CDK6: variants seen among roughly 807,000 people sequenced by gnomAD.
CDK6 encodes the protein cyclin-dependent kinase 6.
CDK6 carries 6 observed loss-of-function variants against 37.1 expected under a neutral mutation model. That is an observed-to-expected ratio of 0.16 (90% CI 0.09 to 0.32). The LOEUF is 0.32. Among genes scored for constraint, CDK6 ranks in the 10% least tolerant of loss-of-function variants. The pLI, the probability that CDK6 is intolerant of heterozygous loss-of-function variation, is 1.00. For synonymous variants in CDK6, 160 were observed against 161.3 expected (o/e 0.99, Z 0.06); for missense variants, 224 against 418.9 (o/e 0.53, Z 4.06).
chr7:92,781,817 T>TA (rs1026197176), intron 2 of CDK6, among the ~76,000 whole-genome samples: 11 of 152,208 alleles, frequency 7.2e-5, no homozygotes, highest in African/African-American at 2.7e-4. Flanking sequence ...GAAGAATTTT[T>TA]AAAAATATCT....
rs1217126034 is a variant in CDK6 at position 92,725,656 on chromosome 7, G to A, written c.507C>T (p.Ile169=). 6.2e-7 allele frequency: 1 copy of A among 1,614,084 alleles called. No homozygotes were observed. The highest frequency in any genetic ancestry group is 1.3e-5 in the African/African-American group (1 of 75,064). Residue 169 remains isoleucine (I), a synonymous_variant, in exon 4 of 8, where the codon ATC becomes ATT. Coordinates refer to ENST00000424848, the MANE Select transcript of CDK6 (RefSeq NM_001145306.2). ...IKLADFGLAR[I]YSFQMALTSV... The stretch of plus-strand genomic sequence containing the variant: ...AGGTTAGAGCCATCTGGAAACTATA[G>A]ATGCGGGCAAGGCCGAAGTCAGCGA...
intron 2 of CDK6, among the ~76,000 whole-genome samples, chr7:92,791,530 A>G (rs969171992): frequency 1.3e-5 from 2 of 152,172 alleles, no homozygotes; most frequent in African/African-American, 2.4e-5. Flanking sequence ...GCCCTGAGGT[A>G]GAATATAGGA....
chr7:92,611,040 G>T lies in CDK6; in HGVS notation c.*4100C>A. ...ATCCCACAGTTACCAGATGACCTTAGTATAAATTTTTACAATATATTTGTT... is the reference window on the plus strand; with the variant it reads ...ATCCCACAGTTACCAGATGACCTTATTATAAATTTTTACAATATATTTGTT... On this transcript the variant is annotated 3_prime_UTR_variant, in exon 8 of 8. Coordinates refer to ENST00000424848, the MANE Select transcript of CDK6 (RefSeq NM_001145306.2). 4.4e-6 allele frequency: 1 copy of T among 225,676 alleles called. No individual in the cohort carries two copies. Among genetic ancestry groups the T allele is most frequent in the Non-Finnish European group, 8.8e-6 (1 of 113,482 alleles). 14.0% of individuals were successfully genotyped at this position (225,676 alleles called of 1,614,324 possible). A position where few individuals can be genotyped will look rare whatever the true frequency, so the allele number is the denominator to read the frequency against.
intron 3 of CDK6, among the ~76,000 whole-genome samples, chr7:92,755,640 T>G (rs1033526054): frequency 6.6e-6 from 1 of 152,184 alleles, no homozygotes; most frequent in Non-Finnish European, 1.5e-5. Flanking sequence ...AATATGCTAG[T>G]TTATTTTCCT....
chr7:92,614,995 T>G lies in CDK6; in HGVS notation c.*145A>C. The G allele has an allele frequency of 1.4e-6, 1 of 710,350 alleles. No homozygotes were observed. The allele number at this position is 710,350 out of a possible 1,614,324, so 44.0% of individuals were successfully genotyped here. On this transcript the variant is annotated 3_prime_UTR_variant, in exon 8 of 8. Coordinates refer to ENST00000424848, the MANE Select transcript of CDK6 (RefSeq NM_001145306.2). ...AAAACAGTAAACTAGGCGGTTTCCT[T>G]GGAGAAGCAGAGCCTGTCCAGAAGA...
intron 3 of CDK6, among the ~76,000 whole-genome samples, chr7:92,744,008 C>T (rs1041968399): frequency 2.0e-5 from 3 of 152,106 alleles, no homozygotes; most frequent in African/African-American, 7.2e-5. Flanking sequence ...CTTTATTCTA[C>T]ATCTCTTATT....
rs554615064 is a variant in CDK6, at chr7:92,609,431, CT to C, written c.*5708del. The stretch of plus-strand genomic sequence containing the variant: ...AGTTGTTATGCTCATATACTTCAGA[CT>C]TTTTTTTTTTAATTAGAGCTTCTTA... On this transcript the variant is annotated 3_prime_UTR_variant, in exon 8 of 8. Transcript: ENST00000424848. The C allele has an allele frequency of 0.05, 9,609 of 192,340 alleles. 65 individuals are homozygous for C. Among genetic ancestry groups the C allele is most frequent in the Middle Eastern group, 0.087 (49 of 562 alleles). The allele number at this position is 192,340 out of a possible 1,614,324, so 11.9% of individuals were successfully genotyped here. A position where few individuals can be genotyped will look rare whatever the true frequency, so the allele number is the denominator to read the frequency against.
intron 4 of CDK6, among the ~76,000 whole-genome samples, chr7:92,715,797 T>C (rs1401197174): frequency 1.3e-5 from 2 of 152,178 alleles, no homozygotes; most frequent in African/African-American, 4.8e-5. Context: ...AGGACCCAAA[T>C]GGACTAGATA....
chr7:92,710,273 CT>C (rs1798060766), intron 4 of CDK6, among the ~76,000 whole-genome samples: 1 of 152,160 alleles, frequency 6.6e-6, no homozygotes, highest in African/African-American at 2.4e-5. Flanking sequence ...TTGAAAAGAG[CT>C]TTTGGAAAAG....
At chr7:92,668,399 A>G (rs1229283319) in intron 5 of CDK6, among the ~76,000 whole-genome samples, 1 of 152,178 alleles carries the variant, frequency 6.6e-6, no homozygotes, top group Non-Finnish European at 1.5e-5. Flanking sequence ...ATGAGGCTAA[A>G]TAAAAAAGTA....
intron 5 of CDK6, among the ~76,000 whole-genome samples, chr7:92,633,769 T>C (rs1423663969): frequency 6.6e-6 from 1 of 152,126 alleles, no homozygotes; most frequent in Non-Finnish European, 1.5e-5. Flanking sequence ...AAAGAATATG[T>C]GAATGGAAAA....
At chr7:92,623,167 C>A in intron 5 of CDK6, 81 bp from the exon 6 acceptor site, 2 of 965,792 alleles carry the variant, frequency 2.1e-6, no homozygotes, top group Non-Finnish European at 3.2e-6. Context: ...CATTGTTTCA[C>A]AGGAAGCAAA....
rs1443600954 is a variant in CDK6, at chr7:92,833,365, G to T, written c.-42C>A. 4 of 1,432,970 alleles carry T rather than the reference G, an allele frequency of 2.8e-6. No homozygotes were observed. The highest frequency in any genetic ancestry group is 1.4e-5 in the African/African-American group (1 of 69,210). 88.8% of individuals were successfully genotyped at this position (1,432,970 alleles called of 1,614,324 possible). A position where few individuals can be genotyped will look rare whatever the true frequency, so the allele number is the denominator to read the frequency against. On this transcript the variant is annotated 5_prime_UTR_variant, in exon 2 of 8. Transcript: ENST00000424848. This position sits in a 1 kb window ranked among gnomAD's most constrained non-coding sequence, Gnocchi z 6.1. ...CCGCCGCGGCGCCGCTGGGGCGGGCGGGGGGTGCGCTCAACTAGCTGGCGG... is the reference window on the plus strand; with the variant it reads ...CCGCCGCGGCGCCGCTGGGGCGGGCTGGGGGTGCGCTCAACTAGCTGGCGG...
rs1442887489 is a variant in CDK6, at chr7:92,798,771, T to TAC, written c.234-23941_234-23940insGT. ...AGCTCTTCCTTCTCCTGCCCTCTCT[T>TAC]CCTAACTCCAGACACTTCCTCAGCC... is the stretch of plus-strand genomic sequence containing the variant. On this transcript the variant is annotated intron_variant, in intron 2 of 7. Transcript: ENST00000424848. 2.6e-5 allele frequency among the ~76,000 whole-genome samples: 4 copies of TAC among 152,220 alleles called. No homozygotes were observed. In the East Asian group the frequency reaches 7.7e-4, roughly 29 times the overall value.
At chr7:92,785,506 A>C (rs1800107160) in intron 2 of CDK6, among the ~76,000 whole-genome samples, 1 of 152,182 alleles carries the variant, frequency 6.6e-6, no homozygotes, top group Non-Finnish European at 1.5e-5. Flanking sequence ...TACTGACCTG[A>C]AGTCTTACAC....
intron 2 of CDK6, among the ~76,000 whole-genome samples, chr7:92,796,420 T>C (rs1184982683): frequency 2.0e-5 from 3 of 152,246 alleles, no homozygotes; most frequent in Non-Finnish European, 4.4e-5. Flanking sequence ...GTCTTTTAAA[T>C]CATTCTCATA....
chr7:92,647,475 G>A (rs1170083560), intron 5 of CDK6, among the ~76,000 whole-genome samples: 6 of 152,178 alleles, frequency 3.9e-5, no homozygotes, highest in Non-Finnish European at 8.8e-5. Flanking sequence ...GATGACTCCA[G>A]GAATCTCTGC....
At chr7:92,616,918 A>G (rs1795694877) in intron 7 of CDK6, among the ~76,000 whole-genome samples, 2 of 152,200 alleles carry the variant, frequency 1.3e-5, no homozygotes, top group African/African-American at 4.8e-5. Flanking sequence ...AAGGTGTTTA[A>G]GTTCTATTAT....
intron 3 of CDK6, among the ~76,000 whole-genome samples, chr7:92,733,037 T>G (rs1295995741): frequency 6.6e-6 from 1 of 152,178 alleles, no homozygotes; most frequent in Non-Finnish European, 1.5e-5. Context: ...GTTCTGTAAT[T>G]TGCAGCTGAA....
Sources: allele counts gnomAD v4.1 joint callset (sites outside exome capture counted in the v4.1 genomes callset), GRCh38; gene constraint gnomAD v4.1.1; non-coding constraint Gnocchi (gnomAD v3.1); transcripts MANE v1.5; gene names NCBI Gene and HGNC (gene_info 2026-07-23, HGNC 2026-07-21).